Variants in ACSL1 observed in about 807,000 individuals in gnomAD.
ACSL1 encodes the protein long-chain-fatty-acid--CoA ligase 1.
Under a neutral mutation model 98.4 loss-of-function variants are expected in ACSL1, and 41 were observed. That is an observed-to-expected ratio of 0.42 (90% CI 0.32 to 0.54). The LOEUF (loss-of-function observed/expected upper bound fraction) is 0.54. Ranked by LOEUF, ACSL1 falls within the 20% of genes least tolerant of loss-of-function variation. ACSL1 has a pLI of 0.13. For synonymous variants in ACSL1, 316 were observed against 322.7 expected (o/e 0.98, Z 0.22); for missense variants, 734 against 883.1 (o/e 0.83, Z 2.14).
At chr4:184,764,976 T>G (rs774585918) in intron 14 of ACSL1, 51 bp from the exon 15 acceptor site, 1 of 1,561,282 alleles carries the variant, frequency 6.4e-7, no homozygotes. Flanking sequence ...ATCACACCTT[T>G]ACTGGAAGTG....
At chr4:184,811,373 A>C (rs866218176) in intron 1 of ACSL1, among the ~76,000 whole-genome samples, 1 of 152,040 alleles carries the variant, frequency 6.6e-6, no homozygotes, top group Admixed American at 6.6e-5. Flanking sequence ...TGGCCTCCCA[A>C]AGTGCTGGGA....
Position 184,788,448 on chromosome 4 carries a change from G to A in ACSL1, c.310+169C>T, listed in dbSNP as rs566070589. On this transcript the variant is annotated intron_variant, in intron 3 of 20. Transcript: ENST00000281455. ...CCCAGGGCCACAGGGAACATCTAGAGGGTCCAGTGAGCTTTGGGACCGACT... is the reference window on the plus strand; with the variant it reads ...CCCAGGGCCACAGGGAACATCTAGAAGGTCCAGTGAGCTTTGGGACCGACT... 3.2e-5 allele frequency: 22 copies of A among 691,938 alleles called. 1 individual carries two copies. In the Admixed American group the frequency reaches 4.0e-4, roughly 13 times the overall value. 42.9% of individuals were successfully genotyped at this position (691,938 alleles called of 1,614,324 possible). A position where few individuals can be genotyped will look rare whatever the true frequency, so the allele number is the denominator to read the frequency against.
chr4:184,808,256 C>T (rs1771680266), intron 1 of ACSL1: 7 of 943,000 alleles, frequency 7.4e-6, no homozygotes, highest in Non-Finnish European at 8.8e-6. Context: ...CACACACACA[C>T]ACACTGCCCC....
chr4:184,772,437 T>C (rs772458864), intron 10 of ACSL1, among the ~76,000 whole-genome samples: 1 of 152,202 alleles, frequency 6.6e-6, no homozygotes, highest in African/African-American at 2.4e-5. Flanking sequence ...AAAAGGCATA[T>C]GGTTCAATAA....
chr4:184,805,402 C>CAA (rs1771269822), intron 1 of ACSL1: 2 of 882,266 alleles, frequency 2.3e-6, no homozygotes, highest in South Asian at 5.2e-5. Flanking sequence ...CACTCACACA[C>CAA]ACACACACAA....
chr4:184,811,257 C>G (rs545664066), intron 1 of ACSL1, among the ~76,000 whole-genome samples: 7 of 151,792 alleles, frequency 4.6e-5, no homozygotes, highest in Non-Finnish European at 8.8e-5. Flanking sequence ...TTCAGGCACC[C>G]GCCACCACGC....
intron 5 of ACSL1, 48 bp downstream of exon 5, chr4:184,780,284 T>C (rs767764575): frequency 6.7e-7 from 1 of 1,493,640 alleles, no homozygotes; most frequent in Non-Finnish European, 9.3e-7. Flanking sequence ...GGCTCTTATA[T>C]CTGAGAATTC....
At position 184,803,528 on chromosome 4, in the gene ACSL1, T is replaced by G; in HGVS notation, c.-14A>C. Reference sequence around the variant, plus strand: ...ATGGGCTTGCATTGTCCTGTGTTGATAGTTCTCTAAGCTGAATTCTGTTGG... The same window carrying G: ...ATGGGCTTGCATTGTCCTGTGTTGAGAGTTCTCTAAGCTGAATTCTGTTGG... On this transcript the variant is annotated 5_prime_UTR_variant, in exon 2 of 21. Transcript: ENST00000281455. The surrounding 1 kb of genome is among the most constrained non-coding windows in gnomAD (Gnocchi z 4.8). The G allele has an allele frequency of 6.6e-7, 1 of 1,508,206 alleles. No individual in the cohort carries two copies. Among genetic ancestry groups the G allele is most frequent in the Non-Finnish European group, 8.9e-7 (1 of 1,122,664 alleles). 93.4% of individuals were successfully genotyped at this position (1,508,206 alleles called of 1,614,324 possible).
At chr4:184,808,901 G>A (rs1309326262) in intron 1 of ACSL1, among the ~76,000 whole-genome samples, 3 of 152,182 alleles carry the variant, frequency 2.0e-5, no homozygotes, top group African/African-American at 7.2e-5. Flanking sequence ...CCTGACTGTG[G>A]TCACTGCTCT....
At position 184,766,037 on chromosome 4, in the gene ACSL1, G is replaced by A. The variant is rs777621552; in HGVS notation, c.1264-51C>T. ...GGTGAGGGTTACACACCTGGAAGTC[G>A]GCGGCCTCTCCGCCAAGGGGGCCTG... On this transcript the variant is annotated intron_variant, in intron 13 of 20. Transcript: ENST00000281455. The surrounding 1 kb of genome is among the most constrained non-coding windows in gnomAD (Gnocchi z 4.8). 11 of 1,585,512 alleles carry A rather than the reference G, an allele frequency of 6.9e-6. No individual in the cohort carries two copies. The highest frequency in any genetic ancestry group is 1.7e-4 in the Middle Eastern group (1 of 5,942).
intron 15 of ACSL1, among the ~76,000 whole-genome samples, chr4:184,763,932 C>G (rs1323688306): frequency 6.6e-6 from 1 of 152,040 alleles, no homozygotes; most frequent in Non-Finnish European, 1.5e-5. Context: ...ATTCCAAATT[C>G]TCTGTTAAGG....
chr4:184,760,398 C>T lies in ACSL1; in HGVS notation c.1741G>A (p.Glu581Lys). The T allele has an allele frequency of 6.2e-7, 1 of 1,614,172 alleles. No homozygotes were observed. The change falls in exon 18 of 21, where the codon GAG becomes AAG. Residue 581 changes from glutamate to lysine, a missense_variant. By Grantham distance (56) the Glu-to-Lys change is moderately conservative. Transcript: ENST00000281455. ...EKIENIYMRSEPVAQVFVHGE... is the reference protein window; with the variant it reads ...EKIENIYMRSKPVAQVFVHGE... ...TGGACAAACACCTGAGCAACAGGCT[C>T]ACTTCGCATGTAGATATTTTCAATC...
chr4:184,820,325 G>A (rs546073116), intron 1 of ACSL1, among the ~76,000 whole-genome samples: 18 of 152,108 alleles, frequency 1.2e-4, no homozygotes, highest in Middle Eastern at 3.4e-3. Flanking sequence ...CCAGTCATGC[G>A]TCTCAATTGT....
At chr4:184,805,123 C>G (rs1261104544) in intron 1 of ACSL1, among the ~76,000 whole-genome samples, 3 of 152,148 alleles carry the variant, frequency 2.0e-5, no homozygotes, top group Non-Finnish European at 4.4e-5. Flanking sequence ...TGAACAGACA[C>G]TTCTCAAAAG....
chr4:184,788,413 C>T lies in ACSL1; in HGVS notation c.310+204G>A, dbSNP rs185398989. On this transcript the variant is annotated intron_variant, in intron 3 of 20. Transcript: ENST00000281455. ...CAGGATGTGACACTCACATATTTGA[C>T]CATGGAGCCCCCAGGGCCACAGGGA... 3.5e-4 allele frequency: 231 copies of T among 669,110 alleles called. No individual in the cohort carries two copies. In the African/African-American group the frequency reaches 3.8e-3, roughly 11 times the overall value. 41.4% of individuals were successfully genotyped at this position (669,110 alleles called of 1,614,324 possible). A position where few individuals can be genotyped will look rare whatever the true frequency, so the allele number is the denominator to read the frequency against.
intron 16 of ACSL1, 108 bp downstream of exon 16, chr4:184,763,059 T>C: frequency 1.8e-6 from 2 of 1,136,072 alleles, no homozygotes; most frequent in Non-Finnish European, 1.3e-6. Context: ...ACCAATGAAG[T>C]CAAGTTCAAT....
Position 184,766,258 on chromosome 4 carries a change from C to G in ACSL1, c.1264-272G>C, listed in dbSNP as rs189150299. Among the ~76,000 whole-genome samples the G allele has an allele frequency of 2.9e-4, 44 of 152,348 alleles. 1 individual carries two copies. The highest frequency in any genetic ancestry group is 2.8e-3 in the Admixed American group (43 of 15,310). On this transcript the variant is annotated intron_variant, in intron 13 of 20. Coordinates refer to ENST00000281455, the MANE Select transcript of ACSL1 (RefSeq NM_001995.5). This position sits in a 1 kb window ranked among gnomAD's most constrained non-coding sequence, Gnocchi z 4.8. Reference sequence around the variant, plus strand: ...GGAATTAGAACACAACTGGGCAGATCTGTGGCAACTACCACAATTCTGGCC... The same window carrying G: ...GGAATTAGAACACAACTGGGCAGATGTGTGGCAACTACCACAATTCTGGCC...
rs779320025 is a variant in ACSL1, at chr4:184,768,329, C to A, written c.1115G>T (p.Arg372Leu). 1.2e-6 allele frequency: 2 copies of A among 1,611,536 alleles called. No individual in the cohort carries two copies. The highest frequency in any genetic ancestry group is 1.7e-6 in the Non-Finnish European group (2 of 1,179,458). Residue 372 changes from arginine to leucine, a missense_variant, in exon 12 of 21, where the codon CGG becomes CTG. Transcript: ENST00000281455. ...CTTGGAACTTACTCGGTCAAACATC[C>A]GGTTCAGCAGTCTTGGAACCACGGG... ...VFPVVPRLLN[R>L]MFDRIFGQAN...
chr4:184,757,405 A>G lies in ACSL1; in HGVS notation c.1957-140T>C. The G allele has an allele frequency of 8.8e-7, 1 of 1,130,236 alleles. No homozygotes were observed. Among genetic ancestry groups the G allele is most frequent in the East Asian group, 2.5e-5 (1 of 40,346 alleles). The allele number at this position is 1,130,236 out of a possible 1,614,324, so 70.0% of individuals were successfully genotyped here. A position where few individuals can be genotyped will look rare whatever the true frequency, so the allele number is the denominator to read the frequency against. On this transcript the variant is annotated intron_variant, in intron 20 of 20. Coordinates refer to ENST00000281455, the MANE Select transcript of ACSL1 (RefSeq NM_001995.5). This position sits in a 1 kb window ranked among gnomAD's most constrained non-coding sequence, Gnocchi z 4.5. ...TTCAGCCAAGCTGCACCTTCTCAACAAAGGACAGGCATCCTATTCTTAGGA... is the reference window on the plus strand; with the variant it reads ...TTCAGCCAAGCTGCACCTTCTCAACGAAGGACAGGCATCCTATTCTTAGGA...
Sources: allele counts gnomAD v4.1 joint callset (sites outside exome capture counted in the v4.1 genomes callset), GRCh38; gene constraint gnomAD v4.1.1; non-coding constraint Gnocchi (gnomAD v3.1); transcripts MANE v1.5; gene names NCBI Gene and HGNC (gene_info 2026-07-23, HGNC 2026-07-21).